Variants in TRAF3 observed in about 807,000 individuals in gnomAD.
TRAF3 encodes the protein TNF receptor associated factor 3, also known as TNF receptor-associated factor 3.
Under a neutral mutation model 62.3 loss-of-function variants are expected in TRAF3, and 13 were observed. The observed-to-expected ratio is 0.21, with a 90% CI of 0.14 to 0.33. The LOEUF is 0.33. Among genes scored for constraint, TRAF3 ranks in the 10% least tolerant of loss-of-function variants. The probability of loss-of-function intolerance (pLI) is 1.00; values close to 1 mark genes in which losing one functional copy is unlikely to be tolerated. For missense variants in TRAF3, 440 were observed against 741.8 expected, an observed-to-expected ratio of 0.59 and a Z score of 4.73; for synonymous variants, 269 against 283.4, an observed-to-expected ratio of 0.95 and a Z score of 0.51.
At chr14:102,796,710 C>T (rs1386990682) in intron 1 of TRAF3, among the ~76,000 whole-genome samples, 2 of 152,214 alleles carry the variant, frequency 1.3e-5, no homozygotes, top group African/African-American at 2.4e-5. Flanking sequence ...CATGGAATTG[C>T]AGAGGCCTGA....
At chr14:102,820,430 A>G (rs1312202244) in intron 1 of TRAF3, among the ~76,000 whole-genome samples, 1 of 151,528 alleles carries the variant, frequency 6.6e-6, no homozygotes, top group Non-Finnish European at 1.5e-5. Context: ...AGAGCTTTAA[A>G]CATTAACTGG....
chr14:102,872,755 G>A (rs1042010531), intron 4 of TRAF3, among the ~76,000 whole-genome samples: 7 of 151,276 alleles, frequency 4.6e-5, no homozygotes, highest in Non-Finnish European at 1.0e-4. Flanking sequence ...ACAATGGCAC[G>A]ATCTTGGCTC....
Position 102,903,770 on chromosome 14 carries a change from T to C in TRAF3, c.1135+341T>C, listed in dbSNP as rs1442135114. On this transcript the variant is annotated intron_variant, in intron 11 of 11. Transcript: ENST00000392745. The surrounding 1 kb of genome is among the most constrained non-coding windows in gnomAD (Gnocchi z 6.4). ...AGCGCAGATGGCAGAGGCCAGGACC[T>C]GCTGGTCGGGGCGCCCCAGACCCCA... The C allele has an allele frequency of 4.0e-6, 2 of 498,778 alleles. No individual in the cohort carries two copies. The highest frequency in any genetic ancestry group is 4.6e-5 in the Admixed American group (2 of 43,676). 30.9% of individuals were successfully genotyped at this position (498,778 alleles called of 1,614,324 possible). A position where few individuals can be genotyped will look rare whatever the true frequency, so the allele number is the denominator to read the frequency against.
At chr14:102,885,354 G>T (rs931833537) in intron 6 of TRAF3, among the ~76,000 whole-genome samples, 2 of 152,190 alleles carry the variant, frequency 1.3e-5, no homozygotes, top group Non-Finnish European at 2.9e-5. Flanking sequence ...GAGGATTGAG[G>T]CATCCTGTGG....
At chr14:102,815,773 G>C (rs771057426) in intron 1 of TRAF3, among the ~76,000 whole-genome samples, 15 of 152,146 alleles carry the variant, frequency 9.9e-5, no homozygotes, top group Non-Finnish European at 1.6e-4. Context: ...CAAGGCAGAC[G>C]GGGAAGCAGG....
At chr14:102,884,065 C>CA (rs1290548352) in intron 6 of TRAF3, among the ~76,000 whole-genome samples, 8 of 152,124 alleles carry the variant, frequency 5.3e-5, no homozygotes, top group African/African-American at 1.9e-4. Context: ...TGGTGGCTTG[C>CA]AAAAAACAAA....
At chr14:102,854,945 A>AT (rs1191100428) in intron 2 of TRAF3, among the ~76,000 whole-genome samples, 1 of 151,872 alleles carries the variant, frequency 6.6e-6, no homozygotes, top group Non-Finnish European at 1.5e-5. Flanking sequence ...GTTCCAACAC[A>AT]TTTTTTTCGT....
chr14:102,855,320 T>G (rs1198941710), intron 2 of TRAF3, among the ~76,000 whole-genome samples: 1 of 152,200 alleles, frequency 6.6e-6, no homozygotes, highest in Non-Finnish European at 1.5e-5. Flanking sequence ...TTGAGTACCT[T>G]TTTTCAGTTA....
In TRAF3 at chr14:102,862,340, C is replaced by T. The variant is rs558969698; in HGVS notation, c.-17-7845C>T. On this transcript the variant is annotated intron_variant, in intron 2 of 11. Coordinates refer to ENST00000392745, the MANE Select transcript of TRAF3 (RefSeq NM_145725.3). ...CTTGATCCCAGGAGTTGGAGACTGC[C>T]GTGAGCTATGATTGCACCACACTGC... is the stretch of plus-strand genomic sequence containing the variant. 7.3e-5 allele frequency among the ~76,000 whole-genome samples: 11 copies of T among 149,864 alleles called. No individual in the cohort carries two copies. The South Asian group carries it at 1.9e-3, about 26-fold the overall frequency.
chr14:102,868,168 A>G (rs1245893711), intron 2 of TRAF3, among the ~76,000 whole-genome samples: 1 of 152,196 alleles, frequency 6.6e-6, no homozygotes, highest in Non-Finnish European at 1.5e-5. Flanking sequence ...AACGCAGTGT[A>G]TTTTTGAGGG....
At chr14:102,832,531 G>A (rs189022110) in intron 2 of TRAF3, among the ~76,000 whole-genome samples, 3 of 152,170 alleles carry the variant, frequency 2.0e-5, no homozygotes, top group South Asian at 4.1e-4. Flanking sequence ...AATATGAGCC[G>A]GGCATGGTGG....
In TRAF3 at chr14:102,909,166, A is replaced by G. The variant is rs1443915831; in HGVS notation, c.*3382A>G. ...GGAGGGAGCCTGAGTGAGCCCCGAC[A>G]TACGCTGGGCCTTTCAGCTCGCCGT... On this transcript the variant is annotated 3_prime_UTR_variant, in exon 12 of 12. Transcript: ENST00000392745. 1.3e-5 allele frequency: 2 copies of G among 152,284 alleles called. No individual in the cohort carries two copies. Among genetic ancestry groups the G allele is most frequent in the Non-Finnish European group, 2.9e-5 (2 of 68,078 alleles). 9.4% of individuals were successfully genotyped at this position (152,284 alleles called of 1,614,324 possible).
chr14:102,819,329 G>A (rs1046168148), intron 1 of TRAF3, among the ~76,000 whole-genome samples: 1 of 152,034 alleles, frequency 6.6e-6, no homozygotes, highest in Non-Finnish European at 1.5e-5. Context: ...TTTCTTGCCC[G>A]CACCCACCAC....
rs747187998 is a variant in TRAF3 at position 102,803,576 on chromosome 14, AT to A, written c.-157+25917del. 8.0e-3 allele frequency among the ~76,000 whole-genome samples: 1,152 copies of A among 144,314 alleles called. 1 individual carries two copies. Among genetic ancestry groups the A allele is most frequent in the African/African-American group, 0.012 (492 of 39,494 alleles). The allele number at this position is 144,314 out of a possible 152,430, so 94.7% of individuals were successfully genotyped here. ...GGAGGTTAAGTTGGCCAGAAGTATA[AT>A]TTTTTTTTTTTTTTTAAGAGACAGG... On this transcript the variant is annotated intron_variant, in intron 1 of 11. Coordinates refer to ENST00000392745, the MANE Select transcript of TRAF3 (RefSeq NM_145725.3).
intron 2 of TRAF3, among the ~76,000 whole-genome samples, chr14:102,866,997 A>T (rs969376273): frequency 6.6e-6 from 1 of 152,254 alleles, no homozygotes; most frequent in African/African-American, 2.4e-5. Context: ...GATAAGGGGC[A>T]TAAAGACCAT....
At chr14:102,870,490 C>A in intron 3 of TRAF3, 44 bp downstream of exon 3, 2 of 1,606,634 alleles carry the variant, frequency 1.2e-6, no homozygotes. Context: ...CTTCTCAGCC[C>A]TCGGCCTCAC....
At chr14:102,894,884 G>A (rs1243283077) in intron 9 of TRAF3, among the ~76,000 whole-genome samples, 1 of 152,130 alleles carries the variant, frequency 6.6e-6, no homozygotes, top group Admixed American at 6.5e-5. Flanking sequence ...TTTTTGTAGA[G>A]ATGGAGTTTC....
At chr14:102,790,009 G>A (rs908641004) in intron 1 of TRAF3, among the ~76,000 whole-genome samples, 1 of 151,970 alleles carries the variant, frequency 6.6e-6, no homozygotes, top group Admixed American at 6.6e-5. Flanking sequence ...TGTATTTTTA[G>A]TAGAGATGGG....
At chr14:102,796,314 T>C (rs1898082355) in intron 1 of TRAF3, among the ~76,000 whole-genome samples, 1 of 152,252 alleles carries the variant, frequency 6.6e-6, no homozygotes, top group Non-Finnish European at 1.5e-5. Flanking sequence ...GCATGGAGGC[T>C]CCCGCCTGGC....
Sources: allele counts gnomAD v4.1 joint callset (sites outside exome capture counted in the v4.1 genomes callset), GRCh38; gene constraint gnomAD v4.1.1; non-coding constraint Gnocchi (gnomAD v3.1); transcripts MANE v1.5; gene names NCBI Gene and HGNC (gene_info 2026-07-23, HGNC 2026-07-21).